Variants in PPIL6 observed in about 807,000 individuals in gnomAD.
PPIL6 encodes the protein probable inactive peptidyl-prolyl cis-trans isomerase-like 6.
In PPIL6, 39 loss-of-function variants were observed where a neutral mutation model predicts 36.8. The ratio of observed to expected loss-of-function variants is 1.06; its 90% CI spans 0.82 to 1.38. The LOEUF (loss-of-function observed/expected upper bound fraction) is 1.38, where lower values mean the gene tolerates loss of function less well. Ranked by LOEUF, PPIL6 falls within the 40% of genes most tolerant of loss-of-function variation. PPIL6 has a pLI of 0.00. For missense variants in PPIL6, 368 were observed against 379.1 expected (o/e 0.97, Z 0.24); for synonymous variants, 123 against 134.1 (o/e 0.92, Z 0.57).
chr6:109,424,588 A>T (rs933767535), intron 5 of PPIL6, among the ~76,000 whole-genome samples: 15 of 152,182 alleles, frequency 9.9e-5, no homozygotes, highest in African/African-American at 3.6e-4. Flanking sequence ...TGAGGCTGAG[A>T]CCTACTGGGT....
rs760385950 is a variant in PPIL6 at position 109,431,194 on chromosome 6, G to C, written c.383C>G (p.Thr128Ser). Residue 128 changes from threonine to serine, a missense_variant, in exon 3 of 8, where the codon ACT becomes AGT. Thr to Ser is a moderately conservative substitution (Grantham distance 58). Transcript: ENST00000521072. ...IKPSALYDALTEDFSAKFLRD... is the reference protein window; with the variant it reads ...IKPSALYDALSEDFSAKFLRD... ...TAAGAACTTAGCGGAAAAATCCTCA[G>C]TGAGTGCGTCATAAAGTGCAGAGGG... is the stretch of plus-strand genomic sequence containing the variant. 20 of 1,611,702 alleles carry C rather than the reference G, an allele frequency of 1.2e-5. 1 individual carries two copies. The highest frequency in any genetic ancestry group is 3.3e-5 in the South Asian group (3 of 90,284).
At chr6:109,404,632 T>C (rs1192019135) in intron 6 of PPIL6, among the ~76,000 whole-genome samples, 2 of 152,246 alleles carry the variant, frequency 1.3e-5, no homozygotes, top group African/African-American at 2.4e-5. Context: ...AGCACCTACT[T>C]TGGAGTTTAG....
chr6:109,433,202 G>A (rs1295157351), intron 2 of PPIL6, among the ~76,000 whole-genome samples: 2 of 151,894 alleles, frequency 1.3e-5, no homozygotes, highest in Non-Finnish European at 2.9e-5. Flanking sequence ...GATTATAGGC[G>A]CCCACCACCA....
chr6:109,432,919 C>A (rs1239402449), intron 2 of PPIL6, among the ~76,000 whole-genome samples: 1 of 152,116 alleles, frequency 6.6e-6, no homozygotes, highest in South Asian at 2.1e-4. Context: ...GCTTCCTATG[C>A]CCTTATCAAA....
chr6:109,392,942 A>G lies in PPIL6; in HGVS notation c.825-5T>C, dbSNP rs1346330501. On this transcript the variant is annotated splice_polypyrimidine_tract_variant and splice_region_variant and intron_variant, in intron 7 of 7. Coordinates refer to ENST00000521072, the MANE Select transcript of PPIL6 (RefSeq NM_173672.5). ...TCTGTTCCTTCAATCAGTTGCCTAC[A>G]TAGGAGAAAAAAATGGAAAATTTAG... is the stretch of plus-strand genomic sequence containing the variant. The G allele has an allele frequency of 6.4e-7, 1 of 1,561,136 alleles. No individual in the cohort carries two copies. Among genetic ancestry groups the G allele is most frequent in the Non-Finnish European group, 8.7e-7 (1 of 1,149,208 alleles).
chr6:109,440,265 C>T, intron 1 of PPIL6, 191 bp downstream of exon 1: 1 of 733,326 alleles, frequency 1.4e-6, no homozygotes, highest in Non-Finnish European at 2.3e-6. Flanking sequence ...CCCCCGGACC[C>T]GCACTTGCCC....
chr6:109,407,986 C>T (rs901219252), intron 6 of PPIL6, among the ~76,000 whole-genome samples: 14 of 152,150 alleles, frequency 9.2e-5, no homozygotes, highest in Admixed American at 5.2e-4. Context: ...AATAAATTCA[C>T]AAATAATAAT....
In PPIL6 at chr6:109,410,991, G is replaced by A. The variant is rs187006922; in HGVS notation, c.688+8196C>T. Among the ~76,000 whole-genome samples the A allele has an allele frequency of 9.0e-3, 1,375 of 152,162 alleles. 3 individuals carry two copies. The highest frequency in any genetic ancestry group is 0.012 in the Non-Finnish European group (811 of 68,002). On this transcript the variant is annotated intron_variant, in intron 6 of 7. Transcript: ENST00000521072. ...TAGGGCTTCTGTTTGTGCCCCAACC[G>A]GCTCATTTTTGTTTGTGGCATGAAT...
At chr6:109,412,306 A>C (rs1374576475) in intron 6 of PPIL6, among the ~76,000 whole-genome samples, 1 of 152,224 alleles carries the variant, frequency 6.6e-6, no homozygotes, top group East Asian at 1.9e-4. Context: ...ACACCACTGG[A>C]GCTGTAACAC....
intron 3 of PPIL6, among the ~76,000 whole-genome samples, 160 bp from the exon 4 acceptor site, chr6:109,427,316 T>C (rs1250661533): frequency 6.6e-6 from 1 of 152,202 alleles, no homozygotes; most frequent in Non-Finnish European, 1.5e-5. Context: ...ATGACTTGTA[T>C]TAGTTTATTT....
intron 2 of PPIL6, among the ~76,000 whole-genome samples, chr6:109,435,239 A>C (rs1337376305): frequency 1.3e-5 from 2 of 151,796 alleles, no homozygotes; most frequent in Non-Finnish European, 2.9e-5. Context: ...GGCAAACGGC[A>C]CCATTGATTT....
chr6:109,437,548 CTTTTTTTTTTTTTT>C (rs71551374), intron 1 of PPIL6, among the ~76,000 whole-genome samples: 5 of 97,956 alleles, frequency 5.1e-5, no homozygotes, highest in Admixed American at 1.4e-4. Flanking sequence ...TATTTCTTTT[CTTTTTTTTTTTTTT>C]TTTTTTTTTT....
intron 3 of PPIL6, among the ~76,000 whole-genome samples, chr6:109,428,339 C>A (rs997075628): frequency 1.3e-5 from 2 of 151,868 alleles, no homozygotes; most frequent in African/African-American, 4.8e-5. Flanking sequence ...TCCCTTGAGC[C>A]CAGGAGTTTG....
chr6:109,429,129 C>T (rs1247774701), intron 3 of PPIL6, among the ~76,000 whole-genome samples: 1 of 152,068 alleles, frequency 6.6e-6, no homozygotes, highest in African/African-American at 2.4e-5. Flanking sequence ...AAGAAAAGTC[C>T]ACCCTCTGTG....
intron 6 of PPIL6, among the ~76,000 whole-genome samples, chr6:109,418,548 C>CCT (rs1773379740): frequency 7.4e-6 from 1 of 135,934 alleles, no homozygotes; most frequent in Admixed American, 7.2e-5. Flanking sequence ...ATCTTTTTTT[C>CCT]TTTTTTTTTT....
chr6:109,424,727 C>T (rs2115259900), intron 5 of PPIL6, among the ~76,000 whole-genome samples: 1 of 152,296 alleles, frequency 6.6e-6, no homozygotes, highest in East Asian at 1.9e-4. Context: ...CCCACCAAAA[C>T]CAAGATGGCG....
intron 5 of PPIL6, among the ~76,000 whole-genome samples, chr6:109,421,921 G>A (rs1773565724): frequency 6.6e-6 from 1 of 152,118 alleles, no homozygotes; most frequent in Admixed American, 6.5e-5. Flanking sequence ...CTGTTGCCCA[G>A]GCTGGAGTGC....
intron 6 of PPIL6, among the ~76,000 whole-genome samples, chr6:109,404,678 C>A (rs1471839254): frequency 6.6e-6 from 1 of 152,218 alleles, no homozygotes; most frequent in Non-Finnish European, 1.5e-5. Flanking sequence ...GTGTCACTTG[C>A]ATGTTTTCAT....
At chr6:109,441,055 C>A, upstream of PPIL6, 1 of 1,548,158 alleles carries the variant, frequency 6.5e-7, no homozygotes, top group South Asian at 1.1e-5. Context: ...CCGCCGGCCG[C>A]CCCCGTCCCC....
Sources: allele counts gnomAD v4.1 joint callset (sites outside exome capture counted in the v4.1 genomes callset), GRCh38; gene constraint gnomAD v4.1.1; transcripts MANE v1.5; gene names NCBI Gene and HGNC (gene_info 2026-07-23, HGNC 2026-07-21).